The following EBF1 variants were observed in gnomAD, a reference collection of about 807,000 sequenced individuals.
EBF1 encodes transcription factor COE1.
Under a neutral mutation model 68.4 loss-of-function variants are expected in EBF1, and 10 were observed. The observed-to-expected ratio is 0.15, with a 90% confidence interval of 0.09 to 0.25. The LOEUF (loss-of-function observed/expected upper bound fraction) is 0.25, where lower values mean the gene tolerates loss of function less well. Ranked by LOEUF, EBF1 falls within the 10% of genes least tolerant of loss-of-function variation. The pLI, the probability that EBF1 is intolerant of heterozygous loss-of-function variation, is 1.00. For synonymous variants in EBF1, 298 were observed against 299.8 expected (o/e 0.99, Z 0.06); for missense variants, 509 against 794.4 (o/e 0.64, Z 4.32).
At chr5:158,928,415 T>G (rs752053176) in intron 6 of EBF1, among the ~76,000 whole-genome samples, 1 of 152,186 alleles carries the variant, frequency 6.6e-6, no homozygotes, top group Non-Finnish European at 1.5e-5. Flanking sequence ...AAAGCACCCC[T>G]CTGCCCACAT....
chr5:158,997,746 G>A (rs1761705823), intron 6 of EBF1, among the ~76,000 whole-genome samples: 1 of 152,050 alleles, frequency 6.6e-6, no homozygotes, highest in Non-Finnish European at 1.5e-5. Context: ...GATCCCTGTG[G>A]CCCAAAGGAA....
chr5:158,822,417 C>T (rs908402090), intron 8 of EBF1, among the ~76,000 whole-genome samples: 11 of 152,078 alleles, frequency 7.2e-5, no homozygotes, highest in East Asian at 1.9e-4. Flanking sequence ...AAAATTCAGG[C>T]GTGCCCCTAA....
chr5:158,742,438 A>C (rs2127573348), intron 10 of EBF1, among the ~76,000 whole-genome samples: 1 of 152,186 alleles, frequency 6.6e-6, no homozygotes, highest in African/African-American at 2.4e-5. Flanking sequence ...ATGTGCTATT[A>C]TTTGTACAGT....
At chr5:159,074,740 G>A (rs188384224) in intron 5 of EBF1, among the ~76,000 whole-genome samples, 23 of 152,172 alleles carry the variant, frequency 1.5e-4, no homozygotes, top group Non-Finnish European at 8.8e-5. Flanking sequence ...TCATGTCTTC[G>A]GAGAGTAAGA....
intron 6 of EBF1, among the ~76,000 whole-genome samples, chr5:158,889,232 A>C (rs1320161098): frequency 6.6e-6 from 1 of 152,186 alleles, no homozygotes; most frequent in Non-Finnish European, 1.5e-5. Context: ...GGAATAAACC[A>C]CATCTAAATC....
chr5:158,915,620 C>T (rs1807021952), intron 6 of EBF1, among the ~76,000 whole-genome samples: 1 of 152,142 alleles, frequency 6.6e-6, no homozygotes, highest in Non-Finnish European at 1.5e-5. Flanking sequence ...TTAGTTATGG[C>T]ACAAACAGTA....
chr5:158,837,310 A>G (rs1789024123), intron 7 of EBF1, among the ~76,000 whole-genome samples: 1 of 152,204 alleles, frequency 6.6e-6, no homozygotes, highest in Non-Finnish European at 1.5e-5. Context: ...CTAAAATGTT[A>G]ACTGTGCCCA....
At position 158,973,164 on chromosome 5, in the gene EBF1, T is replaced by G. The variant is rs774832402; in HGVS notation, c.554+100232A>C. Among the ~76,000 whole-genome samples the G allele has an allele frequency of 3.9e-5, 6 of 152,202 alleles. No individual in the cohort carries two copies. In the South Asian group the frequency reaches 6.2e-4, roughly 16 times the overall value. On this transcript the variant is annotated intron_variant, in intron 6 of 15. Transcript: ENST00000313708. ...GTAAGCTCCATGAGGGCAGGGATTT[T>G]TTCACTCTTTTATTTGTGCTAATCC...
chr5:159,094,178 A>C (rs1218989386), intron 4 of EBF1, among the ~76,000 whole-genome samples: 2 of 140,638 alleles, frequency 1.4e-5, no homozygotes, highest in Admixed American at 7.0e-5. Flanking sequence ...AAAAAAAAAA[A>C]AAAAAAAAAA....
chr5:158,815,663 G>A (rs140678994), intron 8 of EBF1, among the ~76,000 whole-genome samples: 211 of 152,272 alleles, frequency 1.4e-3, no homozygotes, highest in Middle Eastern at 3.4e-3. Context: ...GGTCAAATGA[G>A]CAGAACATAG....
intron 6 of EBF1, among the ~76,000 whole-genome samples, chr5:158,974,625 C>T (rs1360231585): frequency 6.6e-6 from 1 of 152,058 alleles, no homozygotes; most frequent in Non-Finnish European, 1.5e-5. Flanking sequence ...CGTAAAAATA[C>T]ATATTTAGAA....
intron 6 of EBF1, among the ~76,000 whole-genome samples, chr5:158,980,912 T>G (rs1331526562): frequency 6.6e-6 from 1 of 152,124 alleles, no homozygotes; most frequent in East Asian, 1.9e-4. Context: ...AAAAAGAAAC[T>G]AGTAAGTTTC....
intron 15 of EBF1, among the ~76,000 whole-genome samples, chr5:158,706,062 C>T (rs1757790155): frequency 6.6e-6 from 1 of 152,120 alleles, no homozygotes; most frequent in Non-Finnish European, 1.5e-5. Flanking sequence ...TGGAGGTGTA[C>T]TGAGGGTGAC....
intron 6 of EBF1, among the ~76,000 whole-genome samples, chr5:158,920,542 G>T (rs1048456706): frequency 2.0e-4 from 30 of 152,250 alleles, no homozygotes; most frequent in African/African-American, 6.0e-4. Flanking sequence ...GACTTGAAAG[G>T]CATGTGCAGC....
chr5:158,896,997 A>T (rs909628829), intron 6 of EBF1, among the ~76,000 whole-genome samples: 1 of 151,656 alleles, frequency 6.6e-6, no homozygotes, highest in Non-Finnish European at 1.5e-5. Flanking sequence ...AGACACACCG[A>T]ACACAGAGGC....
chr5:158,926,798 G>A (rs1048443944), intron 6 of EBF1, among the ~76,000 whole-genome samples: 1 of 151,708 alleles, frequency 6.6e-6, no homozygotes, highest in Non-Finnish European at 1.5e-5. Flanking sequence ...TTGGTCCACA[G>A]CAATGAAAAT....
chr5:158,763,538 A>G (rs1771972082), intron 10 of EBF1, among the ~76,000 whole-genome samples: 1 of 152,194 alleles, frequency 6.6e-6, no homozygotes, highest in African/African-American at 2.4e-5. Flanking sequence ...ACAGAAAAGC[A>G]TGTAAACAAA....
intron 6 of EBF1, among the ~76,000 whole-genome samples, chr5:158,935,149 C>T (rs182153606): frequency 6.6e-6 from 1 of 152,188 alleles, no homozygotes; most frequent in African/African-American, 2.4e-5. Flanking sequence ...AATGGAGGTG[C>T]TCGGGCAGGC....
intron 6 of EBF1, among the ~76,000 whole-genome samples, chr5:159,046,968 G>A (rs73818926): frequency 1.7e-3 from 257 of 152,318 alleles, no homozygotes; most frequent in African/African-American, 5.2e-3. Context: ...GACAGAATCC[G>A]TACCCTCCAC....
Sources: allele counts gnomAD v4.1 joint callset (sites outside exome capture counted in the v4.1 genomes callset), GRCh38; gene constraint gnomAD v4.1.1; transcripts MANE v1.5; gene names NCBI Gene and HGNC (gene_info 2026-07-23, HGNC 2026-07-21).